The following GRB10 variants were observed in gnomAD, a reference collection of about 807,000 sequenced individuals.
The protein encoded by GRB10 is growth factor receptor bound protein 10, also known as growth factor receptor-bound protein 10.
GRB10 carries 20 observed loss-of-function variants against 80.9 expected under a neutral mutation model. The ratio of observed to expected loss-of-function variants is 0.25; its 90% CI spans 0.17 to 0.36. GRB10 has a LOEUF of 0.36. GRB10 is among the 10% of genes least tolerant of loss of function. The pLI, the probability that GRB10 is intolerant of heterozygous loss-of-function variation, is 1.00. For synonymous variants in GRB10, 291 were observed against 291.5 expected (o/e 1.00, Z 0.02); for missense variants, 548 against 747.7 (o/e 0.73, Z 3.12).
intron 5 of GRB10, among the ~76,000 whole-genome samples, chr7:50,676,926 G>A (rs1321365943): frequency 3.3e-5 from 5 of 152,198 alleles, no homozygotes; most frequent in African/African-American, 9.7e-5. Context: ...AAATGGCAGC[G>A]ATGAGATCAC....
In GRB10 at chr7:50,721,957, C is replaced by T. The variant is rs377323173; in HGVS notation, c.51+10315G>A. On this transcript the variant is annotated intron_variant, in intron 4 of 18. Coordinates refer to ENST00000401949, the MANE Select transcript of GRB10 (RefSeq NM_001350814.2). Reference sequence around the variant, plus strand: ...CGGAAGAAGAAGACAGCGCGTGGAGCGGGGAGAAGGGAGCAGAGCAGTTCA... The same window carrying T: ...CGGAAGAAGAAGACAGCGCGTGGAGTGGGGAGAAGGGAGCAGAGCAGTTCA... Among the ~76,000 whole-genome samples the T allele has an allele frequency of 1.3e-4, 20 of 152,288 alleles. No individual in the cohort carries two copies. In the East Asian group the frequency reaches 2.3e-3, roughly 18 times the overall value.
At chr7:50,611,002 T>C (rs74487270) in intron 13 of GRB10, among the ~76,000 whole-genome samples, 1 of 151,154 alleles carries the variant, frequency 6.6e-6, no homozygotes, top group African/African-American at 2.4e-5. Context: ...CTTTTTTTTT[T>C]GCCTTTTCCA....
chr7:50,620,458 A>G (rs1322081881), intron 8 of GRB10, among the ~76,000 whole-genome samples: 1 of 134,514 alleles, frequency 7.4e-6, no homozygotes, highest in Non-Finnish European at 1.7e-5. Context: ...AACTGTCGCC[A>G]TGGGCACTCA....
At chr7:50,787,923 C>T (rs4947888) in intron 1 of GRB10, among the ~76,000 whole-genome samples, 125,259 of 152,082 alleles carry the variant, frequency 0.82, 51,634 homozygotes, top group Middle Eastern at 0.91. Context: ...CCCTCTGGCT[C>T]AAATCAGCCC....
At chr7:50,678,280 G>A (rs1051766209) in intron 5 of GRB10, among the ~76,000 whole-genome samples, 1 of 152,158 alleles carries the variant, frequency 6.6e-6, no homozygotes, top group Non-Finnish European at 1.5e-5. Flanking sequence ...CTCCTCTGAG[G>A]TGGATTATTT....
chr7:50,742,269 GCGCACACA>G (rs1440572456), intron 3 of GRB10, among the ~76,000 whole-genome samples: 2,975 of 32,600 alleles, frequency 0.091, 93 homozygotes, highest in African/African-American at 0.1. Flanking sequence ...GCACGCGCGC[GCGCACACA>G]CACACACACA....
chr7:50,639,864 C>T (rs754903157), intron 7 of GRB10, among the ~76,000 whole-genome samples: 1 of 152,074 alleles, frequency 6.6e-6, no homozygotes, highest in African/African-American at 2.4e-5. Context: ...TTTTTTTAAA[C>T]TTTTCTAAAA....
chr7:50,642,093 C>T (rs1215615439), intron 7 of GRB10, among the ~76,000 whole-genome samples: 1 of 152,188 alleles, frequency 6.6e-6, no homozygotes, highest in African/African-American at 2.4e-5. Context: ...TCTTAACTAG[C>T]TGTTCTGGGT....
chr7:50,649,536 C>G (rs2153615398), intron 7 of GRB10, among the ~76,000 whole-genome samples: 1 of 152,334 alleles, frequency 6.6e-6, no homozygotes. Context: ...CGGGACTGTA[C>G]ACCCCACAGG....
rs79659586 is a variant in GRB10 at position 50,614,741 on chromosome 7, C to T, written c.1095+29G>A. ...AGTCTCCTGTGGGCTGCTGAGCATG[C>T]GCGCCGTCTGTGGACAGCTCGTGGG... On this transcript the variant is annotated intron_variant, in intron 12 of 18. Coordinates refer to ENST00000401949, the MANE Select transcript of GRB10 (RefSeq NM_001350814.2). 8,251 of 1,412,598 alleles carry T rather than the reference C, an allele frequency of 5.8e-3. 338 individuals carry two copies. The African/African-American group carries it at 0.096, about 16-fold the overall frequency. 87.5% of individuals were successfully genotyped at this position (1,412,598 alleles called of 1,614,324 possible). A position where few individuals can be genotyped will look rare whatever the true frequency, so the allele number is the denominator to read the frequency against.
At chr7:50,617,778 C>G (rs1229610422) in intron 10 of GRB10, 4 of 490,330 alleles carry the variant, frequency 8.2e-6, no homozygotes, top group African/African-American at 7.8e-5. Context: ...CCATGCACCC[C>G]CTGGCCCACA....
upstream of GRB10, among the ~76,000 whole-genome samples, chr7:50,783,249 T>C (rs181516850): frequency 3.0e-4 from 46 of 152,262 alleles, 1 homozygote; most frequent in Admixed American, 2.7e-3. Context: ...CTCCCCAAAA[T>C]GTCAGAGCAA....
At chr7:50,673,977 C>T (rs2060627187) in intron 6 of GRB10, among the ~76,000 whole-genome samples, 1 of 152,170 alleles carries the variant, frequency 6.6e-6, no homozygotes, top group Non-Finnish European at 1.5e-5. Flanking sequence ...GTGCCTACCC[C>T]TGAATTAGCA....
upstream of GRB10, among the ~76,000 whole-genome samples, chr7:50,783,114 C>G (rs534382359): frequency 3.9e-5 from 6 of 152,338 alleles, no homozygotes; most frequent in East Asian, 1.9e-4. Flanking sequence ...CCCGCTACGC[C>G]GCATTCGCAG....
At chr7:50,732,444 G>A (rs1482445207) in intron 3 of GRB10, 76 bp from the exon 4 acceptor site, 10 of 885,874 alleles carry the variant, frequency 1.1e-5, no homozygotes, top group African/African-American at 1.7e-5. Flanking sequence ...TGGTTCAAGT[G>A]TGACATGTCT....
intron 7 of GRB10, among the ~76,000 whole-genome samples, chr7:50,661,287 G>C (rs572574469): frequency 6.6e-6 from 1 of 152,328 alleles, no homozygotes; most frequent in African/African-American, 2.4e-5. Flanking sequence ...CTTATCCAAA[G>C]TGATTACTGT....
intron 8 of GRB10, among the ~76,000 whole-genome samples, chr7:50,620,065 C>A (rs1314453445): frequency 6.6e-6 from 1 of 152,212 alleles, no homozygotes; most frequent in Non-Finnish European, 1.5e-5. Context: ...ACTCAGCATA[C>A]TCTAGAACAG....
chr7:50,792,199 C>T (rs910348091), intron 1 of GRB10, among the ~76,000 whole-genome samples: 3 of 152,146 alleles, frequency 2.0e-5, no homozygotes, highest in African/African-American at 4.8e-5. Flanking sequence ...TGCAATAACG[C>T]ATATTTACTC....
intron 5 of GRB10, among the ~76,000 whole-genome samples, chr7:50,694,352 A>G (rs1331790212): frequency 6.6e-6 from 1 of 152,172 alleles, no homozygotes; most frequent in African/African-American, 2.4e-5. Context: ...CCAAAATCAG[A>G]AACTCTGCAA....
Sources: gnomAD v4.1 joint callset for allele counts (sites outside exome capture counted in the v4.1 genomes callset) on GRCh38, gnomAD v4.1.1 for gene constraint, MANE v1.5 for transcripts, NCBI Gene and HGNC (gene_info 2026-07-23, HGNC 2026-07-21) for gene names.